MAPKAP1: variants seen among roughly 807,000 people sequenced by gnomAD.
The protein encoded by MAPKAP1 is MAPK associated protein 1, also known as target of rapamycin complex 2 subunit MAPKAP1.
Under a neutral mutation model 65.7 loss-of-function variants are expected in MAPKAP1, and 20 were observed. The observed-to-expected ratio is 0.30, with a 90% CI of 0.21 to 0.44. The LOEUF (loss-of-function observed/expected upper bound fraction) is 0.44, where lower values mean the gene tolerates loss of function less well. Among genes scored for constraint, MAPKAP1 ranks in the 20% least tolerant of loss-of-function variants. The probability of loss-of-function intolerance (pLI) is 1.00; values close to 1 mark genes in which losing one functional copy is unlikely to be tolerated. For synonymous variants in MAPKAP1, 222 were observed against 244.3 expected (o/e 0.91, Z 0.85); for missense variants, 423 against 648.0 (o/e 0.65, Z 3.77).
chr9:125,468,814 C>T (rs2132992941), intron 9 of MAPKAP1, among the ~76,000 whole-genome samples: 1 of 152,284 alleles, frequency 6.6e-6, no homozygotes, highest in South Asian at 2.1e-4. Flanking sequence ...AACAGGAATC[C>T]AGAATGTTCA....
chr9:125,437,975 A>T lies in MAPKAP1; in HGVS notation c.*912T>A, dbSNP rs984132169. On this transcript the variant is annotated 3_prime_UTR_variant, in exon 12 of 12. Coordinates refer to ENST00000265960, the MANE Select transcript of MAPKAP1 (RefSeq NM_001006617.3). Reference sequence around the variant, plus strand: ...AAACAGCAGCTTTCCGCCTGCTTGAAAAAGGAGGCAGGCGCTGTAAGGAGA... The same window carrying T: ...AAACAGCAGCTTTCCGCCTGCTTGATAAAGGAGGCAGGCGCTGTAAGGAGA... 6.0e-6 allele frequency: 1 copy of T among 165,646 alleles called. No individual in the cohort carries two copies. Among genetic ancestry groups the T allele is most frequent in the African/African-American group, 2.4e-5 (1 of 42,096 alleles). The allele number at this position is 165,646 out of a possible 1,614,324, so 10.3% of individuals were successfully genotyped here. A position where few individuals can be genotyped will look rare whatever the true frequency, so the allele number is the denominator to read the frequency against.
chr9:125,544,489 G>C (rs770535630), intron 6 of MAPKAP1, among the ~76,000 whole-genome samples: 2 of 152,034 alleles, frequency 1.3e-5, no homozygotes, highest in Non-Finnish European at 2.9e-5. Flanking sequence ...GAAAAAAACC[G>C]CTAAGGAACA....
At chr9:125,459,821 G>T in intron 10 of MAPKAP1, among the ~76,000 whole-genome samples, 1 of 151,648 alleles carries the variant, frequency 6.6e-6, no homozygotes, top group Non-Finnish European at 1.5e-5. Flanking sequence ...GAGGGAGAGG[G>T]AGACCGTGGA....
chr9:125,572,455 C>T (rs1831263542), intron 5 of MAPKAP1, among the ~76,000 whole-genome samples: 1 of 152,144 alleles, frequency 6.6e-6, no homozygotes, highest in Admixed American at 6.5e-5. Flanking sequence ...ATCAGTCTTA[C>T]CATGATTTGT....
intron 10 of MAPKAP1, among the ~76,000 whole-genome samples, chr9:125,453,817 C>T (rs1853055458): frequency 6.6e-6 from 1 of 152,162 alleles, no homozygotes; most frequent in Non-Finnish European, 1.5e-5. Context: ...TCATTAATAT[C>T]ACTACTGATA....
At chr9:125,566,144 T>C (rs1302490642) in intron 5 of MAPKAP1, among the ~76,000 whole-genome samples, 2 of 152,238 alleles carry the variant, frequency 1.3e-5, no homozygotes, top group Non-Finnish European at 2.9e-5. Context: ...AATGTTCCTA[T>C]GTTCTCTCAC....
rs117131879 is a variant in MAPKAP1 at position 125,516,538 on chromosome 9, G to T, written c.959-10121C>A. Among the ~76,000 whole-genome samples the T allele has an allele frequency of 3.9e-3, 588 of 152,272 alleles. 1 individual carries two copies. The highest frequency in any genetic ancestry group is 6.2e-3 in the Admixed American group (95 of 15,292). On this transcript the variant is annotated intron_variant, in intron 7 of 11. Transcript: ENST00000265960. The stretch of plus-strand genomic sequence containing the variant: ...TCTTGCCTGGCCTTGGAGTTCCAAG[G>T]CCACAGGCTCTCAATATTATCAGCT...
At position 125,515,802 on chromosome 9, in the gene MAPKAP1, G is replaced by A. The variant is rs925367200; in HGVS notation, c.959-9385C>T. Reference sequence around the variant, plus strand: ...ATAAACAAAGCCCAGCAAGGGGGCCGGCCAGAAGATGAGGAGGAGTGGGCT... The same window carrying A: ...ATAAACAAAGCCCAGCAAGGGGGCCAGCCAGAAGATGAGGAGGAGTGGGCT... On this transcript the variant is annotated intron_variant, in intron 7 of 11. Transcript: ENST00000265960. Among the ~76,000 whole-genome samples, 5 of 152,292 alleles carry A rather than the reference G, an allele frequency of 3.3e-5. No homozygotes were observed. The East Asian group carries it at 5.8e-4, about 18-fold the overall frequency.
At chr9:125,637,237 C>G (rs1833450774) in intron 4 of MAPKAP1, among the ~76,000 whole-genome samples, 1 of 151,734 alleles carries the variant, frequency 6.6e-6, no homozygotes, top group Non-Finnish European at 1.5e-5. Flanking sequence ...CCACTGCACT[C>G]CAGCCTGAGT....
intron 4 of MAPKAP1, among the ~76,000 whole-genome samples, chr9:125,612,271 A>G (rs1832622775): frequency 6.6e-6 from 1 of 152,216 alleles, no homozygotes; most frequent in Non-Finnish European, 1.5e-5. Context: ...TGCAACCAAC[A>G]GCAGCTAAAA....
chr9:125,474,963 G>T (rs566806130), intron 9 of MAPKAP1, among the ~76,000 whole-genome samples: 1 of 152,238 alleles, frequency 6.6e-6, no homozygotes, highest in East Asian at 1.9e-4. Flanking sequence ...TCGCCAGAGT[G>T]GATTTTGCTG....
intron 5 of MAPKAP1, among the ~76,000 whole-genome samples, chr9:125,572,499 AT>A (rs1399141564): frequency 1.3e-5 from 2 of 152,358 alleles, no homozygotes; most frequent in African/African-American, 4.8e-5. Flanking sequence ...AGAATGAAAT[AT>A]TATGTTTCAA....
chr9:125,662,859 A>G (rs864904), intron 3 of MAPKAP1, among the ~76,000 whole-genome samples: 138,406 of 152,020 alleles, frequency 0.91, 64,302 homozygotes, highest in East Asian at 1. Flanking sequence ...GTTTCCTTAT[A>G]TGTTAAAAAT....
intron 10 of MAPKAP1, among the ~76,000 whole-genome samples, chr9:125,467,406 G>A (rs1057182120): frequency 3.9e-5 from 6 of 152,208 alleles, no homozygotes; most frequent in Admixed American, 1.3e-4. Context: ...TAATTTAAGC[G>A]GAGGAATGCC....
At chr9:125,524,198 T>C (rs1350128377) in intron 7 of MAPKAP1, among the ~76,000 whole-genome samples, 2 of 152,236 alleles carry the variant, frequency 1.3e-5, no homozygotes, top group Non-Finnish European at 2.9e-5. Flanking sequence ...CTCACCTCAG[T>C]ACCTTCTACT....
chr9:125,548,337 T>C (rs539298593), intron 6 of MAPKAP1, among the ~76,000 whole-genome samples: 11 of 152,256 alleles, frequency 7.2e-5, no homozygotes, highest in East Asian at 1.9e-4. Flanking sequence ...AAAACAAACA[T>C]AGGGCACGTA....
At chr9:125,463,986 C>T (rs898905482) in intron 10 of MAPKAP1, among the ~76,000 whole-genome samples, 9 of 151,944 alleles carry the variant, frequency 5.9e-5, no homozygotes, top group Admixed American at 6.5e-5. Flanking sequence ...CTGATGGGTA[C>T]CAGCTTCACA....
At chr9:125,628,900 C>A (rs1833190392) in intron 4 of MAPKAP1, among the ~76,000 whole-genome samples, 1 of 151,944 alleles carries the variant, frequency 6.6e-6, no homozygotes, top group Admixed American at 6.6e-5. Flanking sequence ...ACAACAACAA[C>A]AAAAACAATT....
At chr9:125,539,394 A>T (rs776715574) in intron 7 of MAPKAP1, among the ~76,000 whole-genome samples, 21 of 152,330 alleles carry the variant, frequency 1.4e-4, no homozygotes, top group African/African-American at 2.2e-4. Context: ...GTTATGTGGA[A>T]AACTATTCTG....
Sources: gnomAD v4.1 joint callset for allele counts (sites outside exome capture counted in the v4.1 genomes callset) on GRCh38, gnomAD v4.1.1 for gene constraint, MANE v1.5 for transcripts, NCBI Gene and HGNC (gene_info 2026-07-23, HGNC 2026-07-21) for gene names.